RAD50: variants seen among roughly 807,000 people sequenced by gnomAD.
RAD50 encodes the protein DNA repair protein RAD50.
In RAD50, 132 loss-of-function variants were observed where a neutral mutation model predicts 168.8. The observed-to-expected ratio is 0.78, with a 90% CI of 0.68 to 0.90. RAD50 has a LOEUF of 0.90. Ranked by LOEUF, RAD50 falls within the 40% of genes least tolerant of loss-of-function variation. RAD50 has a pLI of 0.00. For missense variants in RAD50, 1,347 were observed against 1,534.4 expected (o/e 0.88, Z 2.04); for synonymous variants, 525 against 497.4 (o/e 1.06, Z -0.74).
chr5:132,632,360 C>G (rs1202371520), intron 21 of RAD50, among the ~76,000 whole-genome samples: 1 of 152,166 alleles, frequency 6.6e-6, no homozygotes, highest in Non-Finnish European at 1.5e-5. Context: ...TTGATTCAGC[C>G]CTTAAGAATT....
intron 13 of RAD50, among the ~76,000 whole-genome samples, chr5:132,597,467 A>G (rs535029456): frequency 1.3e-5 from 2 of 151,230 alleles, no homozygotes; most frequent in East Asian, 3.9e-4. Flanking sequence ...GAACTCGCTC[A>G]CTCTCCCCCA....
At chr5:132,619,146 T>G (rs1254119574) in intron 21 of RAD50, among the ~76,000 whole-genome samples, 1 of 152,184 alleles carries the variant, frequency 6.6e-6, no homozygotes, top group Non-Finnish European at 1.5e-5. Context: ...CAGATGGACA[T>G]TTGGGGTTTT....
chr5:132,604,316 A>G (rs932187604), intron 15 of RAD50, among the ~76,000 whole-genome samples: 3 of 149,212 alleles, frequency 2.0e-5, no homozygotes, highest in Non-Finnish European at 4.4e-5. Context: ...CCCAGGCTGG[A>G]GTGCAATGGT....
chr5:132,634,743 C>T (rs993344723), intron 21 of RAD50, among the ~76,000 whole-genome samples: 8 of 152,104 alleles, frequency 5.3e-5, no homozygotes, highest in African/African-American at 1.9e-4. Context: ...TGATTTTTCA[C>T]TTAAGATATT....
At chr5:132,562,663 G>T (rs1281039106) in intron 2 of RAD50, among the ~76,000 whole-genome samples, 1 of 152,114 alleles carries the variant, frequency 6.6e-6, no homozygotes, top group African/African-American at 2.4e-5. Flanking sequence ...CAGTTGGCAA[G>T]CAGAAGTCTG....
At position 132,595,772 on chromosome 5, in the gene RAD50, A is replaced by G. The variant is rs2149844233; in HGVS notation, c.2169A>G (p.Glu723=). Residue 723 remains glutamate, a synonymous_variant, in exon 13 of 25, where the codon GAA becomes GAG. Transcript: ENST00000378823. ...CAGAATCAGAGCTAAAAAAAAAGGA[A>G]AAGCGGCGTGATGAAATGCTGGGAC... ...KSTESELKKK[E]KRRDEMLGLV... 6.2e-7 allele frequency: 1 copy of G among 1,613,350 alleles called. No individual in the cohort carries two copies. Among genetic ancestry groups the G allele is most frequent in the Non-Finnish European group, 8.5e-7 (1 of 1,179,680 alleles).
At position 132,642,489 on chromosome 5, in the gene RAD50, G is replaced by C; in HGVS notation, c.*125G>C. ...TCTTTCAAAGGAACATTGTGTCTAGGATTTTGGATGTTGAGAGGTTCTAAA... is the reference window on the plus strand; with the variant it reads ...TCTTTCAAAGGAACATTGTGTCTAGCATTTTGGATGTTGAGAGGTTCTAAA... On this transcript the variant is annotated 3_prime_UTR_variant, in exon 25 of 25. Transcript: ENST00000378823. 1 of 951,104 alleles carries C rather than the reference G, an allele frequency of 1.1e-6. No individual in the cohort carries two copies. The highest frequency in any genetic ancestry group is 1.6e-6 in the Non-Finnish European group (1 of 645,122). The allele number at this position is 951,104 out of a possible 1,614,324, so 58.9% of individuals were successfully genotyped here.
intron 21 of RAD50, among the ~76,000 whole-genome samples, chr5:132,619,881 TATATAG>T (rs1240253279): frequency 8.2e-6 from 1 of 121,614 alleles, no homozygotes; most frequent in African/African-American, 3.3e-5. Context: ...GATATATATA[TATATAG>T]AGAGAGAGAG....
At chr5:132,597,312 T>C (rs1325429078) in intron 13 of RAD50, among the ~76,000 whole-genome samples, 1 of 152,198 alleles carries the variant, frequency 6.6e-6, no homozygotes, top group African/African-American at 2.4e-5. Flanking sequence ...ATTTATACTC[T>C]TGTATAGTCC....
intron 5 of RAD50, among the ~76,000 whole-genome samples, chr5:132,582,684 CTT>C (rs959017843): frequency 6.6e-6 from 1 of 151,872 alleles, no homozygotes; most frequent in Admixed American, 6.6e-5. Context: ...ATGTTTCTAA[CTT>C]TTTTTTTCTG....
intron 5 of RAD50, among the ~76,000 whole-genome samples, chr5:132,582,241 A>G (rs1750517166): frequency 6.6e-6 from 1 of 152,180 alleles, no homozygotes; most frequent in Admixed American, 6.5e-5. Flanking sequence ...GATTCTAACC[A>G]AGGCTGTAGC....
At position 132,595,730 on chromosome 5, in the gene RAD50, A is replaced by G. The variant is rs2149844181; in HGVS notation, c.2127A>G (p.Pro709=). The change falls in exon 13 of 25, where the codon CCA becomes CCG. Residue 709 remains proline, a synonymous_variant. Transcript: ENST00000378823. Reference sequence around the variant, plus strand: ...TGCAGTCTAAACTGCGACTTGCTCCAGATAAACTCAAGTCAACAGAATCAG... The same window carrying G: ...TGCAGTCTAAACTGCGACTTGCTCCGGATAAACTCAAGTCAACAGAATCAG... ...SDLQSKLRLA[P]DKLKSTESEL... is the part of the protein sequence containing the mutation. 6.2e-7 allele frequency: 1 copy of G among 1,614,048 alleles called. No individual in the cohort carries two copies. The highest frequency in any genetic ancestry group is 8.5e-7 in the Non-Finnish European group (1 of 1,179,906).
At chr5:132,591,507 C>T (rs1750699946) in intron 10 of RAD50, 101 bp downstream of exon 10, 10 of 1,220,412 alleles carry the variant, frequency 8.2e-6, no homozygotes, top group Non-Finnish European at 1.2e-5. Context: ...TTGGTATTGA[C>T]TATATTTTAG....
chr5:132,592,659 C>A (rs2706365), intron 11 of RAD50: 12,611 of 288,370 alleles, frequency 0.044, 1,345 homozygotes, highest in African/African-American at 0.24. Context: ...TGAGCATCCC[C>A]AACAACTGTT....
chr5:132,588,875 C>T lies in RAD50; in HGVS notation c.1240C>T (p.Leu414=). ...AGGGGAAGCAAAAACTGCCAACCAA[C>T]TGATGGCAAGTATTTTGAAATACAG... ...QEGEAKTANQ[L]MNDFAEKETL... Residue 414 remains leucine, a synonymous_variant, in exon 8 of 25, where the codon CTG becomes TTG. Coordinates refer to ENST00000378823, the MANE Select transcript of RAD50 (RefSeq NM_005732.4). The T allele has an allele frequency of 6.2e-7, 1 of 1,608,850 alleles. No individual in the cohort carries two copies. Among genetic ancestry groups the T allele is most frequent in the Non-Finnish European group, 8.5e-7 (1 of 1,175,374 alleles).
chr5:132,578,013 C>G (rs1053608186), intron 3 of RAD50, among the ~76,000 whole-genome samples: 1 of 151,950 alleles, frequency 6.6e-6, no homozygotes, highest in African/African-American at 2.4e-5. Context: ...TGGGGTTTCA[C>G]CATGTTAGCC....
chr5:132,558,336 CATTT>C, intron 1 of RAD50, among the ~76,000 whole-genome samples: 1 of 152,234 alleles, frequency 6.6e-6, no homozygotes, highest in South Asian at 2.1e-4. Flanking sequence ...TTTTTCGCTT[CATTT>C]ATTAGTTGTC....
chr5:132,644,178 C>CA lies in RAD50; in HGVS notation c.*1815dup, dbSNP rs1751802023. Reference sequence around the variant, plus strand: ...CAAAAGTATCATTTGCAAGTTAAAACAGACTTCCCAATTTTAAATCTGGTT... The same window carrying CA: ...CAAAAGTATCATTTGCAAGTTAAAACAAGACTTCCCAATTTTAAATCTGGTT... On this transcript the variant is annotated 3_prime_UTR_variant, in exon 25 of 25. Transcript: ENST00000378823. 1 of 179,982 alleles carries CA rather than the reference C, an allele frequency of 5.6e-6. No homozygotes were observed. Among genetic ancestry groups the CA allele is most frequent in the Admixed American group, 6.3e-5 (1 of 15,918 alleles). The allele number at this position is 179,982 out of a possible 1,614,324, so 11.1% of individuals were successfully genotyped here.
chr5:132,603,840 T>A, intron 14 of RAD50, 80 bp from the exon 15 acceptor site: 2 of 1,280,346 alleles, frequency 1.6e-6, no homozygotes, highest in Non-Finnish European at 2.2e-6. Flanking sequence ...AAAAAATAAA[T>A]GATAAGAGCA....
Sources: gnomAD v4.1 joint callset for allele counts (sites outside exome capture counted in the v4.1 genomes callset) on GRCh38, gnomAD v4.1.1 for gene constraint, MANE v1.5 for transcripts, NCBI Gene and HGNC (gene_info 2026-07-23, HGNC 2026-07-21) for gene names.